Variants in SGCD observed in about 807,000 individuals in gnomAD.
The protein encoded by SGCD is sarcoglycan delta.
In SGCD, 18 loss-of-function variants were observed where a neutral mutation model predicts 36.6. The ratio of observed to expected loss-of-function variants is 0.49; its 90% confidence interval spans 0.34 to 0.73. The LOEUF (loss-of-function observed/expected upper bound fraction) is 0.73. Ranked by LOEUF, SGCD falls within the 30% of genes least tolerant of loss-of-function variation. SGCD has a pLI of 0.01. For missense variants in SGCD, 387 were observed against 346.7 expected, an observed-to-expected ratio of 1.12 and a Z score of -0.92; for synonymous variants, 133 against 130.6, an observed-to-expected ratio of 1.02 and a Z score of -0.12.
chr5:156,715,014 T>G (rs955076064), intron 7 of SGCD, among the ~76,000 whole-genome samples: 2 of 152,216 alleles, frequency 1.3e-5, no homozygotes, highest in African/African-American at 2.4e-5. Flanking sequence ...TTTAGTTCAC[T>G]GTTGACAGGC....
Position 156,695,136 on chromosome 5 carries a change from GTT to G in SGCD, c.575+47602_575+47603del, listed in dbSNP as rs1491310318. 5.6e-3 allele frequency among the ~76,000 whole-genome samples: 276 copies of G among 49,356 alleles called. 1 individual carries two copies. The highest frequency in any genetic ancestry group is 8.6e-3 in the African/African-American group (165 of 19,164). The allele number at this position is 49,356 out of a possible 152,430, so 32.4% of individuals were successfully genotyped here. On this transcript the variant is annotated intron_variant, in intron 7 of 8. Coordinates refer to ENST00000337851, the MANE Select transcript of SGCD (RefSeq NM_000337.6). ...TTTGTGTGTGTGTGTGTGTGTGTGT[GTT>G]TGTGTGTGTGTGTGTGTGTGTTGGT...
At chr5:156,731,451 C>T (rs1442426843) in intron 7 of SGCD, among the ~76,000 whole-genome samples, 2 of 152,212 alleles carry the variant, frequency 1.3e-5, no homozygotes, top group African/African-American at 4.8e-5. Flanking sequence ...CAGTCTTCTG[C>T]ATATGGCTAG....
At chr5:156,191,919 G>GCAAAAACAAAAA (rs1364427759) in intron 3 of SGCD, among the ~76,000 whole-genome samples, 1 of 152,034 alleles carries the variant, frequency 6.6e-6, no homozygotes, top group Non-Finnish European at 1.5e-5. Context: ...CTGTTGAAAA[G>GCAAAAACAAAAA]CAAAAACAAA....
chr5:156,348,913 A>C (rs1769093618), intron 3 of SGCD, among the ~76,000 whole-genome samples: 2 of 152,204 alleles, frequency 1.3e-5, no homozygotes, highest in African/African-American at 4.8e-5. Flanking sequence ...CACATTGACC[A>C]ATGGAACCGA....
chr5:156,492,639 C>A (rs139598217), intron 3 of SGCD, among the ~76,000 whole-genome samples: 1 of 151,994 alleles, frequency 6.6e-6, no homozygotes, highest in East Asian at 1.9e-4. Context: ...TAGGTATACA[C>A]GTGCCATGAT....
At chr5:155,784,412 C>T in the SGCD span, among the ~76,000 whole-genome samples, 15 of 152,112 alleles carry the variant, frequency 9.9e-5, no homozygotes, top group Non-Finnish European at 1.8e-4. Context: ...CACAGTGAGC[C>T]GAAGGTGTCA....
At chr5:156,575,131 A>G (rs1759880282) in intron 4 of SGCD, among the ~76,000 whole-genome samples, 1 of 152,222 alleles carries the variant, frequency 6.6e-6, no homozygotes, top group Admixed American at 6.5e-5. Flanking sequence ...GGGGTGGAAC[A>G]GTCTTGTCTG....
chr5:156,514,389 C>T lies in SGCD; in HGVS notation c.294+5687C>T, dbSNP rs560871769. On this transcript the variant is annotated intron_variant, in intron 4 of 8. Transcript: ENST00000337851. ...TATCATGAATTTATCTTCATGTTCA[C>T]CTCAAACTCCATTTGAGGGTGGGTA... 8.5e-5 allele frequency among the ~76,000 whole-genome samples: 13 copies of T among 152,318 alleles called. No individual in the cohort carries two copies. In the South Asian group the frequency reaches 2.7e-3, roughly 32 times the overall value.
At chr5:156,442,148 G>A (rs952836757) in intron 3 of SGCD, among the ~76,000 whole-genome samples, 3 of 152,174 alleles carry the variant, frequency 2.0e-5, no homozygotes, top group Admixed American at 2.0e-4. Context: ...TGTTTTTTCA[G>A]GGCAGAGCAG....
the SGCD span, among the ~76,000 whole-genome samples, chr5:155,795,602 A>C: frequency 1.3e-5 from 2 of 152,202 alleles, no homozygotes; most frequent in African/African-American, 4.8e-5. Context: ...TGAACAATTG[A>C]GTACAATAAA....
At chr5:156,355,779 GGCATGTGCCAC>G (rs1022075449) in intron 3 of SGCD, among the ~76,000 whole-genome samples, 1 of 152,206 alleles carries the variant, frequency 6.6e-6, no homozygotes, top group Admixed American at 6.5e-5. Flanking sequence ...TGGGATTACA[GGCATGTGCCAC>G]CACGCCTGGC....
intron 1 of SGCD, among the ~76,000 whole-genome samples, chr5:155,947,019 GT>G (rs1757450488): frequency 1.3e-5 from 2 of 152,182 alleles, no homozygotes; most frequent in South Asian, 4.1e-4. Flanking sequence ...AGGAACCCAG[GT>G]TTCCAGTCTG....
chr5:156,587,808 A>G (rs1353990320), intron 4 of SGCD, among the ~76,000 whole-genome samples: 1 of 151,932 alleles, frequency 6.6e-6, no homozygotes, highest in Admixed American at 6.6e-5. Context: ...ACTGAGAATA[A>G]TCTCACCCTT....
chr5:156,603,068 C>A (rs1200470240), intron 6 of SGCD, among the ~76,000 whole-genome samples: 4 of 152,056 alleles, frequency 2.6e-5, no homozygotes, highest in Non-Finnish European at 5.9e-5. Flanking sequence ...GCCATTATGT[C>A]CTGGGCTTTT....
chr5:156,387,681 T>C (rs1771343327), intron 3 of SGCD, among the ~76,000 whole-genome samples: 1 of 152,126 alleles, frequency 6.6e-6, no homozygotes, highest in Non-Finnish European at 1.5e-5. Context: ...GGTCTCTAAA[T>C]AACTTTCTGA....
intron 1 of SGCD, among the ~76,000 whole-genome samples, chr5:155,894,445 T>C (rs1305287908): frequency 2.0e-5 from 3 of 152,202 alleles, no homozygotes; most frequent in African/African-American, 4.8e-5. Context: ...GACTTCTGTC[T>C]TGACTCCTAT....
At chr5:156,092,135 C>T (rs949347948) in intron 1 of SGCD, among the ~76,000 whole-genome samples, 3 of 152,166 alleles carry the variant, frequency 2.0e-5, no homozygotes, top group Non-Finnish European at 4.4e-5. Context: ...AGTATAGTTC[C>T]TGTAAATCTT....
chr5:156,127,087 G>A (rs1762190542), intron 3 of SGCD, among the ~76,000 whole-genome samples: 1 of 152,058 alleles, frequency 6.6e-6, no homozygotes, highest in African/African-American at 2.4e-5. Context: ...GAATATTAAT[G>A]ACCCATATGC....
chr5:156,421,867 G>A (rs1773326568), intron 3 of SGCD, among the ~76,000 whole-genome samples: 1 of 151,998 alleles, frequency 6.6e-6, no homozygotes, highest in East Asian at 1.9e-4. Context: ...CCTTTACCGG[G>A]CATGGCATTC....
Sources: gnomAD v4.1 joint callset for allele counts (sites outside exome capture counted in the v4.1 genomes callset) on GRCh38, gnomAD v4.1.1 for gene constraint, MANE v1.5 for transcripts, NCBI Gene and HGNC (gene_info 2026-07-23, HGNC 2026-07-21) for gene names.